DHRS7B: variants seen among roughly 807,000 people sequenced by gnomAD.
The protein encoded by DHRS7B is dehydrogenase/reductase 7B, also known as peroxisomal reductase activating PPAR-gamma.
DHRS7B carries 24 observed loss-of-function variants against 26.4 expected under a neutral mutation model. The observed-to-expected ratio is 0.91, with a 90% CI of 0.66 to 1.28. DHRS7B has a LOEUF of 1.28. DHRS7B is among the 50% of genes most tolerant of loss of function. The pLI is 0.00. For synonymous variants in DHRS7B, 142 were observed against 166.4 expected, an observed-to-expected ratio of 0.85 and a Z score of 1.13; for missense variants, 368 against 419.4, an observed-to-expected ratio of 0.88 and a Z score of 1.07.
At chr17:21,153,785 A>G (rs1973822453) in intron 1 of DHRS7B, among the ~76,000 whole-genome samples, 1 of 152,166 alleles carries the variant, frequency 6.6e-6, no homozygotes, top group African/African-American at 2.4e-5. Flanking sequence ...CAGAGCACTC[A>G]TGACTCAATC....
chr17:21,160,179 C>A (rs965438972), intron 1 of DHRS7B, among the ~76,000 whole-genome samples: 1 of 151,998 alleles, frequency 6.6e-6, no homozygotes, highest in Non-Finnish European at 1.5e-5. Context: ...CATGGTGAAA[C>A]CCCGTCTCTA....
intron 1 of DHRS7B, among the ~76,000 whole-genome samples, chr17:21,150,105 TAAAAAAAA>T (rs61516968): frequency 4.0e-5 from 2 of 50,074 alleles, no homozygotes; most frequent in African/African-American, 7.5e-5. Flanking sequence ...CATCTCTATT[TAAAAAAAA>T]AAAAAAAAAA....
chr17:21,156,321 T>C (rs910531319), intron 1 of DHRS7B, among the ~76,000 whole-genome samples: 10 of 152,202 alleles, frequency 6.6e-5, no homozygotes, highest in Non-Finnish European at 1.3e-4. Context: ...GAATAATAAA[T>C]GTAGCCGGGC....
rs772060151 is a variant in DHRS7B, at chr17:21,191,158, C to G, written c.*5C>G. On this transcript the variant is annotated 3_prime_UTR_variant, in exon 7 of 7. Coordinates refer to ENST00000395511, the MANE Select transcript of DHRS7B (RefSeq NM_015510.5). ...CGGAAATCCAAGAACTCCTAGTACT[C>G]TGACCAGCCAGGGCCAGGGCAGAGA... 1.2e-6 allele frequency: 2 copies of G among 1,613,026 alleles called. No homozygotes were observed. Among genetic ancestry groups the G allele is most frequent in the Non-Finnish European group, 1.7e-6 (2 of 1,180,002 alleles).
chr17:21,129,721 A>AAAAAAAAG (rs1973188846), intron 1 of DHRS7B, among the ~76,000 whole-genome samples: 1 of 149,160 alleles, frequency 6.7e-6, no homozygotes, highest in African/African-American at 2.5e-5. Flanking sequence ...AAAAAAAAAA[A>AAAAAAAAG]AAAGAAAAAG....
At chr17:21,167,582 G>A (rs1370658933) in intron 1 of DHRS7B, among the ~76,000 whole-genome samples, 1 of 152,082 alleles carries the variant, frequency 6.6e-6, no homozygotes, top group Non-Finnish European at 1.5e-5. Flanking sequence ...GTGCACTATG[G>A]TTTCTATTTG....
chr17:21,142,260 CAG>C (rs1208819408), intron 1 of DHRS7B, among the ~76,000 whole-genome samples: 3 of 152,038 alleles, frequency 2.0e-5, no homozygotes, highest in Non-Finnish European at 4.4e-5. Flanking sequence ...CAGAGTGAAA[CAG>C]AACAGAACGG....
chr17:21,184,615 C>A, intron 5 of DHRS7B, 152 bp downstream of exon 5: 1 of 770,266 alleles, frequency 1.3e-6, no homozygotes, highest in Non-Finnish European at 2.1e-6. Context: ...GAGCCACATG[C>A]CTGGGATCAA....
chr17:21,138,523 A>G (rs1973418300), intron 1 of DHRS7B, among the ~76,000 whole-genome samples: 1 of 151,850 alleles, frequency 6.6e-6, no homozygotes, highest in Non-Finnish European at 1.5e-5. Context: ...GCGCCTGGCA[A>G]CATCCCTCCT....
chr17:21,136,421 T>G (rs1973342589), intron 1 of DHRS7B, among the ~76,000 whole-genome samples: 1 of 136,992 alleles, frequency 7.3e-6, no homozygotes, highest in East Asian at 2.2e-4. Context: ...ACATGGAGGC[T>G]GAATCACTTG....
chr17:21,159,862 C>CAA (rs59176427), intron 1 of DHRS7B, among the ~76,000 whole-genome samples: 2,913 of 61,232 alleles, frequency 0.048, 108 homozygotes, highest in South Asian at 0.071. Context: ...GACCCTGTCT[C>CAA]AAAAAAAAAA....
At chr17:21,151,531 A>C (rs888939172) in intron 1 of DHRS7B, among the ~76,000 whole-genome samples, 4 of 149,128 alleles carry the variant, frequency 2.7e-5, no homozygotes, top group African/African-American at 4.9e-5. Flanking sequence ...AAAAAAAAAG[A>C]AGTTGCCACT....
chr17:21,191,191 C>T lies in DHRS7B; in HGVS notation c.*38C>T. 6.3e-7 allele frequency: 1 copy of T among 1,599,728 alleles called. No homozygotes were observed. The highest frequency in any genetic ancestry group is 1.7e-5 in the Admixed American group (1 of 59,826). ...CCAGGGCCAGGGCAGAGAAGCAGCA[C>T]TCTTAGGCTTGCTTACTCTACAAGG... On this transcript the variant is annotated 3_prime_UTR_variant, in exon 7 of 7. Transcript: ENST00000395511.
In DHRS7B at chr17:21,190,980, C is replaced by G. The variant is rs1261866503; in HGVS notation, c.805C>G (p.Pro269Ala). The change falls in exon 7 of 7, where the codon CCT (proline) becomes GCT (alanine). Residue 269 changes from proline (P) to alanine (A), a missense_variant. By Grantham distance (27) the Pro-to-Ala change is conservative (BLOSUM62 -1). Coordinates refer to ENST00000395511, the MANE Select transcript of DHRS7B (RefSeq NM_015510.5). ...CACCACCACAGCCCAGGGCCGAAGC[C>G]CTGTGGAGGTGGCCCAGGATGTTCT... ...MDTTTAQGRSPVEVAQDVLAA... is the reference protein window; with the variant it reads ...MDTTTAQGRSAVEVAQDVLAA... 6.2e-7 allele frequency: 1 copy of G among 1,614,210 alleles called. No individual in the cohort carries two copies. The highest frequency in any genetic ancestry group is 8.5e-7 in the Non-Finnish European group (1 of 1,180,036).
At chr17:21,153,442 CAGAA>C (rs2144011723) in intron 1 of DHRS7B, among the ~76,000 whole-genome samples, 1 of 152,110 alleles carries the variant, frequency 6.6e-6, no homozygotes, top group African/African-American at 2.4e-5. Flanking sequence ...ATTGGAATGC[CAGAA>C]AGAAGAGAGA....
At position 21,140,538 on chromosome 17, in the gene DHRS7B, A is replaced by ACACACACACACACACACACACACACC. The variant is rs972677956; in HGVS notation, c.20+13548_20+13549insACACACACACACACACACACACACCC. Among the ~76,000 whole-genome samples the ACACACACACACACACACACACACACC allele has an allele frequency of 1.8e-4, 24 of 134,746 alleles. 1 individual carries two copies. The highest frequency in any genetic ancestry group is 4.7e-4 in the Admixed American group (6 of 12,854). 88.4% of individuals were successfully genotyped at this position (134,746 alleles called of 152,430 possible). Reference sequence around the variant, plus strand: ...CACACACACACACACACACACACACACCCTGACACCCTATAGCTTTTACTT... The same window carrying ACACACACACACACACACACACACACC: ...CACACACACACACACACACACACACACACACACACACACACACACACACACCCCCTGACACCCTATAGCTTTTACTT... On this transcript the variant is annotated intron_variant, in intron 1 of 6. Transcript: ENST00000395511.
At chr17:21,152,914 C>T (rs1973803730) in intron 1 of DHRS7B, among the ~76,000 whole-genome samples, 1 of 149,358 alleles carries the variant, frequency 6.7e-6, no homozygotes, top group African/African-American at 2.4e-5. Context: ...AGAACACTTC[C>T]CCTTCCTCCA....
At chr17:21,166,228 G>C in intron 1 of DHRS7B, 4 of 985,462 alleles carry the variant, frequency 4.1e-6, no homozygotes, top group Non-Finnish European at 4.8e-6. Flanking sequence ...ACACTCAGGA[G>C]CCTGGTCTGA....
intron 1 of DHRS7B, among the ~76,000 whole-genome samples, chr17:21,152,097 G>A (rs1973784624): frequency 6.6e-6 from 1 of 152,222 alleles, no homozygotes; most frequent in African/African-American, 2.4e-5. Context: ...GAAGCCTGCA[G>A]AACCATCAGC....
Sources: gnomAD v4.1 joint callset for allele counts (sites outside exome capture counted in the v4.1 genomes callset) on GRCh38, gnomAD v4.1.1 for gene constraint, MANE v1.5 for transcripts, NCBI Gene and HGNC (gene_info 2026-07-23, HGNC 2026-07-21) for gene names.